PDE10A: variants seen among roughly 807,000 people sequenced by gnomAD.
PDE10A encodes cAMP and cAMP-inhibited cGMP 3',5'-cyclic phosphodiesterase 10A.
Under a neutral mutation model 97.7 loss-of-function variants are expected in PDE10A, and 39 were observed. The observed-to-expected ratio is 0.40, with a 90% CI of 0.31 to 0.52. The LOEUF is 0.52. Ranked by LOEUF, PDE10A falls within the 20% of genes least tolerant of loss-of-function variation. PDE10A has a pLI of 0.56. For synonymous variants in PDE10A, 371 were observed against 376.8 expected (o/e 0.98, Z 0.18); for missense variants, 731 against 1,047.8 (o/e 0.70, Z 4.17).
At chr6:165,526,680 T>G (rs1782466672) in intron 2 of PDE10A, among the ~76,000 whole-genome samples, 1 of 152,206 alleles carries the variant, frequency 6.6e-6, no homozygotes. Context: ...AACCAAGTGG[T>G]GAGTCCAATT....
At position 165,786,115 on chromosome 6, in the gene PDE10A, T is replaced by C. The variant is rs1163906587; in HGVS notation, c.-615+201414A>G. On this transcript the variant is annotated intron_variant, in intron 1 of 19. Coordinates refer to the PDE10A transcript ENST00000366882. ...CGTTTTAGCTACGTAATCGATTTAT[T>C]GAGTCTGCTGCATGGAGGAAACAGA... 3.6e-4 allele frequency among the ~76,000 whole-genome samples: 55 copies of C among 152,236 alleles called. 1 individual carries two copies. Among genetic ancestry groups the C allele is most frequent in the Admixed American group, 3.6e-3 (55 of 15,288 alleles).
At chr6:165,773,197 T>C (rs1778066344) in intron 1 of PDE10A, 1 of 152,228 alleles carries the variant, frequency 6.6e-6, no homozygotes, top group African/African-American at 2.4e-5. Context: ...CTTGTTCTTG[T>C]CAGTGTCATT....
intron 1 of PDE10A, among the ~76,000 whole-genome samples, chr6:165,944,228 C>T (rs990470544): frequency 6.6e-6 from 1 of 152,356 alleles, no homozygotes; most frequent in Admixed American, 6.5e-5. Context: ...TCAATTACCT[C>T]TCACTGGTTC....
chr6:165,621,112 TTG>T (rs1417150750), intron 1 of PDE10A, among the ~76,000 whole-genome samples: 1 of 151,998 alleles, frequency 6.6e-6, no homozygotes, highest in Non-Finnish European at 1.5e-5. Context: ...TCTACATGTA[TTG>T]TCCTGAGTAT....
intron 1 of PDE10A, among the ~76,000 whole-genome samples, chr6:165,746,052 G>A (rs1044472316): frequency 2.6e-5 from 4 of 152,154 alleles, no homozygotes; most frequent in Non-Finnish European, 2.9e-5. Context: ...GCTGACATAC[G>A]TGAATGGATA....
chr6:165,883,528 A>G (rs1781543952), intron 1 of PDE10A, among the ~76,000 whole-genome samples: 1 of 146,010 alleles, frequency 6.8e-6, no homozygotes. Flanking sequence ...CGACAAATTG[A>G]GACTCCGTCT....
At chr6:165,481,494 T>G (rs1779605120) in intron 3 of PDE10A, among the ~76,000 whole-genome samples, 1 of 152,180 alleles carries the variant, frequency 6.6e-6, no homozygotes, top group African/African-American at 2.4e-5. Flanking sequence ...TATCTGCATA[T>G]GTGATTCTAT....
intron 2 of PDE10A, among the ~76,000 whole-genome samples, chr6:165,493,783 G>A (rs1780360608): frequency 6.6e-6 from 1 of 151,992 alleles, no homozygotes; most frequent in South Asian, 2.1e-4. Flanking sequence ...TCATGACCAA[G>A]AACCCAAAAG....
intron 18 of PDE10A, among the ~76,000 whole-genome samples, chr6:165,362,670 C>A (rs1415596594): frequency 6.6e-6 from 1 of 152,120 alleles, no homozygotes; most frequent in Admixed American, 6.5e-5. Flanking sequence ...TTCATAAACT[C>A]TTCCAAAAAA....
In PDE10A at chr6:165,543,445, G is replaced by A. The variant is rs754116544; in HGVS notation, c.989C>T (p.Ser330Leu). The stretch of plus-strand genomic sequence containing the variant: ...AGATCCACAAGAGACCTTACCTTCT[G>A]ATTTGTTGTTCTTCCTCTTCAGCCA... Reference protein sequence around the residue: ...EKWLKRKNNKSEDESAPKEVS... With the variant: ...EKWLKRKNNKLEDESAPKEVS... The change falls in exon 2 of 22, where the codon TCA (serine) becomes TTA (leucine). Residue 330 changes from serine (S) to leucine (L), a missense_variant. Around this residue, in one of 8 missense-constraint regions of PDE10A, gnomAD observed 181 missense variants for 159.1 expected, o/e 1.14. Coordinates refer to ENST00000539869, the MANE Select transcript of PDE10A (RefSeq NM_001385079.1). The A allele has an allele frequency of 1.4e-5, 23 of 1,611,950 alleles. No individual in the cohort carries two copies. The South Asian group carries it at 2.4e-4, about 17-fold the overall frequency.
chr6:165,379,300 G>A lies in PDE10A; in HGVS notation c.2677C>T (p.Arg893Cys). 1.2e-6 allele frequency: 2 copies of A among 1,613,320 alleles called. No homozygotes were observed. The highest frequency in any genetic ancestry group is 1.7e-6 in the Non-Finnish European group (2 of 1,179,368). ...AGGTCTGTGGCAATGATGGCTTTGC[G>A]GATGATCTCAAGCACCTGCTCATAT... ...SEYEQVLEIIRKAIIATDLAL... is the reference protein window; with the variant it reads ...SEYEQVLEIICKAIIATDLAL... Residue 893 changes from arginine (R) to cysteine (C), a missense_variant, in exon 18 of 22, where the codon CGC becomes TGC. This residue lies in a region of PDE10A where 25 missense variants were observed against 83.7 expected (regional missense o/e 0.30). Coordinates refer to ENST00000539869, the MANE Select transcript of PDE10A (RefSeq NM_001385079.1).
At position 165,406,339 on chromosome 6, in the gene PDE10A, A is replaced by G. The variant is rs558958449; in HGVS notation, c.2076+7162T>C. Among the ~76,000 whole-genome samples, 4 of 151,874 alleles carry G rather than the reference A, an allele frequency of 2.6e-5. No individual in the cohort carries two copies. The South Asian group carries it at 6.2e-4, about 24-fold the overall frequency. ...TAACTTTGTGACTCAATGCACTGGT[A>G]TAAGATGTATTTTTGATATTTCTTA... is the stretch of plus-strand genomic sequence containing the variant. On this transcript the variant is annotated intron_variant, in intron 13 of 21. Transcript: ENST00000539869.
At chr6:165,912,779 A>G (rs1007116562) in intron 1 of PDE10A, among the ~76,000 whole-genome samples, 1 of 152,260 alleles carries the variant, frequency 6.6e-6, no homozygotes, top group East Asian at 1.9e-4. Flanking sequence ...TACTCAGTGG[A>G]TAAATGTGAC....
intron 20 of PDE10A, 106 bp from the exon 21 acceptor site, chr6:165,336,317 A>G (rs1765656134): frequency 1.3e-6 from 1 of 742,486 alleles, no homozygotes; most frequent in Admixed American, 2.4e-5. Flanking sequence ...GCCTAATTAT[A>G]AAATTGCATG....
chr6:165,701,773 T>C (rs1331867750), intron 1 of PDE10A, among the ~76,000 whole-genome samples: 1 of 149,804 alleles, frequency 6.7e-6, no homozygotes, highest in Non-Finnish European at 1.5e-5. Flanking sequence ...GTGTGTATGT[T>C]TGCGTGTGTG....
intron 2 of PDE10A, among the ~76,000 whole-genome samples, chr6:165,524,875 C>T (rs1035380184): frequency 2.0e-5 from 3 of 152,158 alleles, no homozygotes; most frequent in African/African-American, 7.2e-5. Context: ...GCTGGGGACA[C>T]CAAGTTTGTA....
chr6:165,479,150 T>C (rs1779459291), intron 3 of PDE10A, among the ~76,000 whole-genome samples: 1 of 152,102 alleles, frequency 6.6e-6, no homozygotes, highest in Admixed American at 6.6e-5. Context: ...TGGTTTACCC[T>C]CCCATAAACA....
At chr6:165,606,037 G>A (rs914778162) in intron 1 of PDE10A, among the ~76,000 whole-genome samples, 5 of 151,824 alleles carry the variant, frequency 3.3e-5, no homozygotes, top group African/African-American at 9.7e-5. Flanking sequence ...AGCTGGGCAC[G>A]CAGCAGGTGC....
At chr6:165,681,460 C>T (rs543878880) in intron 1 of PDE10A, among the ~76,000 whole-genome samples, 2 of 151,394 alleles carry the variant, frequency 1.3e-5, no homozygotes, top group African/African-American at 4.9e-5. Flanking sequence ...AGCAATGGTG[C>T]AGAACCATCT....
Sources: gnomAD v4.1 joint callset for allele counts (sites outside exome capture counted in the v4.1 genomes callset) on GRCh38, gnomAD v4.1.1 for gene constraint, gnomAD v4.1.1 regional missense constraint, MANE v1.5 for transcripts, NCBI Gene and HGNC (gene_info 2026-07-23, HGNC 2026-07-21) for gene names.